WASF2: variants seen among roughly 807,000 people sequenced by gnomAD.
The protein encoded by WASF2 is WASP family member 2, also known as actin-binding protein WASF2.
Under a neutral mutation model 45.0 loss-of-function variants are expected in WASF2, and 14 were observed. The observed-to-expected ratio is 0.31, with a 90% CI of 0.21 to 0.49. The LOEUF (loss-of-function observed/expected upper bound fraction) is 0.49. WASF2 is among the 20% of genes least tolerant of loss of function. WASF2 has a pLI of 0.99. For missense variants in WASF2, 439 were observed against 636.1 expected, an observed-to-expected ratio of 0.69 and a Z score of 3.33; for synonymous variants, 200 against 236.3, an observed-to-expected ratio of 0.85 and a Z score of 1.41.
intron 1 of WASF2, among the ~76,000 whole-genome samples, chr1:27,432,510 C>T (rs1175095028): frequency 1.3e-5 from 2 of 151,370 alleles, no homozygotes; most frequent in South Asian, 2.1e-4. Flanking sequence ...TAGCTGGGCG[C>T]GGTGGCAGGC....
intron 1 of WASF2, among the ~76,000 whole-genome samples, chr1:27,429,552 G>C (rs113035001): frequency 0.074 from 11,232 of 152,180 alleles, 452 homozygotes; most frequent in Middle Eastern, 0.12. Context: ...GAGGCAGGTG[G>C]ATCACCTAAG....
intron 1 of WASF2, chr1:27,457,480 G>A (rs1202414745): frequency 6.6e-6 from 1 of 152,088 alleles, no homozygotes; most frequent in South Asian, 2.1e-4. Context: ...AGCAGACTAA[G>A]GTGGGAGGAT....
chr1:27,441,486 G>T (rs2017228192), intron 1 of WASF2, among the ~76,000 whole-genome samples: 3 of 151,992 alleles, frequency 2.0e-5, no homozygotes, highest in Admixed American at 6.5e-5. Flanking sequence ...GGGCGCGGTG[G>T]CTCACGCCTG....
At chr1:27,421,059 C>T (rs2016902246) in intron 2 of WASF2, among the ~76,000 whole-genome samples, 1 of 152,192 alleles carries the variant, frequency 6.6e-6, no homozygotes, top group African/African-American at 2.4e-5. Flanking sequence ...TAAGACCAAT[C>T]AACTGCATAT....
intron 1 of WASF2, among the ~76,000 whole-genome samples, chr1:27,451,875 T>C (rs2148125271): frequency 6.6e-6 from 1 of 152,340 alleles, no homozygotes; most frequent in East Asian, 1.9e-4. Flanking sequence ...TTTTTTTCTA[T>C]ACATACATAT....
chr1:27,483,015 G>A (rs765471988), intron 1 of WASF2, among the ~76,000 whole-genome samples: 3 of 152,156 alleles, frequency 2.0e-5, no homozygotes, highest in African/African-American at 4.8e-5. Context: ...TGGAAGAGGA[G>A]CACACAAGAA....
chr1:27,415,561 G>A (rs770821140), intron 5 of WASF2, among the ~76,000 whole-genome samples: 2 of 145,064 alleles, frequency 1.4e-5, no homozygotes, highest in Non-Finnish European at 3.0e-5. Context: ...CCCTAGCCCC[G>A]CCCAGCCCGT....
intron 4 of WASF2, among the ~76,000 whole-genome samples, chr1:27,417,692 C>A (rs986254565): frequency 2.0e-5 from 3 of 152,220 alleles, no homozygotes; most frequent in African/African-American, 7.2e-5. Context: ...CCAGGCACAG[C>A]AGAGTAGGTC....
intron 3 of WASF2, among the ~76,000 whole-genome samples, 168 bp downstream of exon 3, chr1:27,418,786 G>A (rs1045986853): frequency 6.6e-6 from 1 of 152,064 alleles, no homozygotes; most frequent in African/African-American, 2.4e-5. Flanking sequence ...GTGTGGTGGA[G>A]CTAAAAAGGT....
chr1:27,459,512 G>C (rs186697297), intron 1 of WASF2: 18 of 151,798 alleles, frequency 1.2e-4, no homozygotes, highest in Admixed American at 2.6e-4. Context: ...GGAATTCACT[G>C]AATTTAAAGA....
At chr1:27,431,862 A>G (rs1022035914) in intron 1 of WASF2, among the ~76,000 whole-genome samples, 1 of 152,244 alleles carries the variant, frequency 6.6e-6, no homozygotes, top group Non-Finnish European at 1.5e-5. Context: ...CTTATTGTCA[A>G]AAAGGCCACT....
chr1:27,414,711 G>T lies in WASF2; in HGVS notation c.668+122C>A, dbSNP rs1373478419. ...ACTTTAAAGTAGCTGATTAACAGTGGTATTGATCTAAGCCACAGAGACAGA... is the reference window on the plus strand; with the variant it reads ...ACTTTAAAGTAGCTGATTAACAGTGTTATTGATCTAAGCCACAGAGACAGA... On this transcript the variant is annotated intron_variant, in intron 6 of 8. Coordinates refer to ENST00000618852, the MANE Select transcript of WASF2 (RefSeq NM_006990.5). The surrounding 1 kb of genome is among the most constrained non-coding windows in gnomAD (Gnocchi z 4.1). 6 of 1,294,592 alleles carry T rather than the reference G, an allele frequency of 4.6e-6. No homozygotes were observed. Among genetic ancestry groups the T allele is most frequent in the South Asian group, 1.5e-5 (1 of 64,622 alleles). The allele number at this position is 1,294,592 out of a possible 1,614,324, so 80.2% of individuals were successfully genotyped here.
At chr1:27,455,148 T>C (rs768508808) in intron 1 of WASF2, among the ~76,000 whole-genome samples, 37 of 152,266 alleles carry the variant, frequency 2.4e-4, no homozygotes, top group African/African-American at 8.9e-4. Context: ...TTTTTACCAA[T>C]CTGATGAACA....
chr1:27,455,603 C>T (rs1229261763), intron 1 of WASF2, among the ~76,000 whole-genome samples: 4 of 152,328 alleles, frequency 2.6e-5, no homozygotes, highest in Non-Finnish European at 4.4e-5. Flanking sequence ...AATGCTCTAG[C>T]CTGCAGCCAC....
At chr1:27,428,393 C>T (rs1338989441) in intron 2 of WASF2, among the ~76,000 whole-genome samples, 1 of 152,198 alleles carries the variant, frequency 6.6e-6, no homozygotes, top group Non-Finnish European at 1.5e-5. Context: ...CGTGTAATTA[C>T]AGGCACATTC....
intron 1 of WASF2, among the ~76,000 whole-genome samples, chr1:27,486,790 G>A (rs1042672897): frequency 1.6e-4 from 24 of 151,806 alleles, no homozygotes; most frequent in African/African-American, 5.6e-4. Context: ...CAGGCGTGGC[G>A]GTGCATGCCT....
rs1388053418 is a variant in WASF2 at position 27,478,189 on chromosome 1, G to A, written c.-44+11797C>T. 2.0e-5 allele frequency among the ~76,000 whole-genome samples: 3 copies of A among 148,098 alleles called. No homozygotes were observed. In the East Asian group the frequency reaches 5.9e-4, roughly 29 times the overall value. ...CCTGCCACTGCACTCTAACCTGGGG[G>A]ACAGAGGGAAGACTCTACCTCCAAA... On this transcript the variant is annotated intron_variant, in intron 1 of 8. Transcript: ENST00000618852.
chr1:27,426,902 A>C (rs1263315960), intron 2 of WASF2, among the ~76,000 whole-genome samples: 1 of 152,194 alleles, frequency 6.6e-6, no homozygotes, highest in African/African-American at 2.4e-5. Flanking sequence ...AGATTAAATG[A>C]GATAATCTAT....
intron 5 of WASF2, 31 bp downstream of exon 5, chr1:27,415,954 A>G: frequency 6.5e-7 from 1 of 1,547,780 alleles, no homozygotes; most frequent in Non-Finnish European, 8.9e-7. Context: ...GTGCCTACTG[A>G]TGTGGAGAAC....
Sources: gnomAD v4.1 joint callset for allele counts (sites outside exome capture counted in the v4.1 genomes callset) on GRCh38, gnomAD v4.1.1 for gene constraint, Gnocchi (gnomAD v3.1) non-coding constraint, MANE v1.5 for transcripts, NCBI Gene and HGNC (gene_info 2026-07-23, HGNC 2026-07-21) for gene names.